SV2C: variants seen among roughly 807,000 people sequenced by gnomAD.
The protein encoded by SV2C is synaptic vesicle glycoprotein 2C, also known as solute carrier family 22 member B3.
In SV2C, 49 loss-of-function variants were observed where a neutral mutation model predicts 79.7. The ratio of observed to expected loss-of-function variants is 0.61; its 90% CI spans 0.49 to 0.78. The LOEUF is 0.78. SV2C is among the 30% of genes least tolerant of loss of function. The pLI, the probability that SV2C is intolerant of heterozygous loss-of-function variation, is 0.00. For missense variants in SV2C, 833 were observed against 912.9 expected, an observed-to-expected ratio of 0.91 and a Z score of 1.13; for synonymous variants, 334 against 333.2, an observed-to-expected ratio of 1.00 and a Z score of -0.03.
chr5:75,961,565 T>C, the SV2C span, among the ~76,000 whole-genome samples: 27 of 152,054 alleles, frequency 1.8e-4, no homozygotes, highest in South Asian at 5.2e-3. Context: ...TTATAAAATA[T>C]GATTCATAAA....
the SV2C span, among the ~76,000 whole-genome samples, chr5:76,053,160 C>A: frequency 6.6e-6 from 1 of 150,864 alleles, no homozygotes; most frequent in Non-Finnish European, 1.5e-5. Flanking sequence ...AGAGCTATTG[C>A]GGATTCTAAA....
At chr5:76,239,133 C>G (rs1745704117) in intron 4 of SV2C, among the ~76,000 whole-genome samples, 1 of 152,176 alleles carries the variant, frequency 6.6e-6, no homozygotes, top group Non-Finnish European at 1.5e-5. Context: ...CTTGGCTCCA[C>G]TAAGCCAGTT....
the SV2C span, among the ~76,000 whole-genome samples, chr5:76,068,416 A>AT: frequency 6.6e-6 from 1 of 152,122 alleles, no homozygotes; most frequent in Non-Finnish European, 1.5e-5. Flanking sequence ...TTTTTTAAAA[A>AT]ATATATATAA....
At chr5:76,268,114 G>A (rs750930208) in intron 4 of SV2C, among the ~76,000 whole-genome samples, 30 of 152,328 alleles carry the variant, frequency 2.0e-4, no homozygotes, top group Admixed American at 7.8e-4. Flanking sequence ...TTGGAAATGA[G>A]TGTGGAGAAG....
intron 12 of SV2C, among the ~76,000 whole-genome samples, chr5:76,317,804 G>A (rs1210575700): frequency 6.6e-6 from 1 of 152,188 alleles, no homozygotes; most frequent in Non-Finnish European, 1.5e-5. Flanking sequence ...ACTCCAGCCT[G>A]GGCAACAGAG....
chr5:76,319,789 T>C (rs1019895874), intron 12 of SV2C, among the ~76,000 whole-genome samples: 2 of 152,142 alleles, frequency 1.3e-5, no homozygotes, highest in Non-Finnish European at 2.9e-5. Context: ...ATACCAGAGG[T>C]TCGTCGTTTG....
chr5:76,099,296 A>G (rs1021833695), intron 1 of SV2C, among the ~76,000 whole-genome samples: 5 of 151,068 alleles, frequency 3.3e-5, no homozygotes, highest in African/African-American at 9.8e-5. Context: ...AGCTCCTGAG[A>G]CTCCTAGTGA....
the SV2C span, among the ~76,000 whole-genome samples, chr5:75,959,693 A>G: frequency 6.6e-6 from 1 of 151,966 alleles, no homozygotes; most frequent in African/African-American, 2.4e-5. Flanking sequence ...ATAAAGTACA[A>G]TTCAGGCAAC....
chr5:76,274,745 A>G (rs949902761), intron 4 of SV2C, among the ~76,000 whole-genome samples: 2 of 150,454 alleles, frequency 1.3e-5, no homozygotes, highest in African/African-American at 4.9e-5. Flanking sequence ...TGGTATTAGC[A>G]ACAGGAACCA....
At chr5:76,195,651 G>A (rs1350250519) in intron 3 of SV2C, among the ~76,000 whole-genome samples, 1 of 152,074 alleles carries the variant, frequency 6.6e-6, no homozygotes, top group African/African-American at 2.4e-5. Context: ...GAGTGTAGCC[G>A]ATGTTCATTT....
At chr5:75,942,169 C>T in the SV2C span, among the ~76,000 whole-genome samples, 1,972 of 152,270 alleles carry the variant, frequency 0.013, 49 homozygotes, top group African/African-American at 0.045. Context: ...CCATGGGGAC[C>T]GAAGCTCCTA....
At chr5:75,856,083 G>A in the SV2C span, among the ~76,000 whole-genome samples, 1 of 152,102 alleles carries the variant, frequency 6.6e-6, no homozygotes, top group African/African-American at 2.4e-5. Context: ...TTAACATAAT[G>A]ATCTCCAGTT....
At chr5:76,228,858 C>T (rs752913732) in intron 4 of SV2C, among the ~76,000 whole-genome samples, 2 of 152,166 alleles carry the variant, frequency 1.3e-5, no homozygotes, top group Non-Finnish European at 2.9e-5. Flanking sequence ...CCCTAGGTCA[C>T]CCAGCTAGTA....
intron 2 of SV2C, among the ~76,000 whole-genome samples, chr5:76,172,255 C>T (rs1253529971): frequency 8.6e-6 from 1 of 116,598 alleles, no homozygotes; most frequent in Non-Finnish European, 1.9e-5. Flanking sequence ...GGTCGGCCCC[C>T]CGCCCGGCCA....
chr5:76,340,588 C>T (rs1749423431), intron 12 of SV2C, among the ~76,000 whole-genome samples: 1 of 152,124 alleles, frequency 6.6e-6, no homozygotes, highest in Non-Finnish European at 1.5e-5. Context: ...TAATATATCC[C>T]ACCAACTCAA....
chr5:76,309,497 G>A (rs1196049738), intron 12 of SV2C, among the ~76,000 whole-genome samples: 2 of 151,414 alleles, frequency 1.3e-5, no homozygotes, highest in Non-Finnish European at 1.5e-5. Flanking sequence ...CCACTCGGGA[G>A]GCTGAGGCAG....
intron 4 of SV2C, among the ~76,000 whole-genome samples, chr5:76,251,521 A>G (rs1746117121): frequency 6.6e-6 from 1 of 152,200 alleles, no homozygotes; most frequent in African/African-American, 2.4e-5. Flanking sequence ...ATTGCCCTCC[A>G]GCCTGGACAA....
the SV2C span, among the ~76,000 whole-genome samples, chr5:76,027,203 AG>A: frequency 2.0e-5 from 3 of 151,436 alleles, no homozygotes; most frequent in Non-Finnish European, 2.9e-5. Flanking sequence ...CTGGGATTAC[AG>A]GCGCCCACCA....
At chr5:75,958,727 T>G in the SV2C span, among the ~76,000 whole-genome samples, 1 of 151,944 alleles carries the variant, frequency 6.6e-6, no homozygotes, top group Non-Finnish European at 1.5e-5. Flanking sequence ...CGTTTCTTTT[T>G]GAGACTCTAT....
Sources: gnomAD v4.1 joint callset for allele counts (sites outside exome capture counted in the v4.1 genomes callset) on GRCh38, gnomAD v4.1.1 for gene constraint, MANE v1.5 for transcripts, NCBI Gene and HGNC (gene_info 2026-07-23, HGNC 2026-07-21) for gene names.